The following PPARGC1A variants were observed in gnomAD, a reference collection of about 807,000 sequenced individuals.
PPARGC1A encodes the protein peroxisome proliferator-activated receptor gamma coactivator 1-alpha.
Under a neutral mutation model 88.7 loss-of-function variants are expected in PPARGC1A, and 25 were observed. That is an observed-to-expected ratio of 0.28 (90% CI 0.21 to 0.39). The LOEUF (loss-of-function observed/expected upper bound fraction) is 0.39, where lower values mean the gene tolerates loss of function less well. PPARGC1A is among the 10% of genes least tolerant of loss of function. PPARGC1A has a pLI of 1.00. For synonymous variants in PPARGC1A, 363 were observed against 355.6 expected, an observed-to-expected ratio of 1.02 and a Z score of -0.24; for missense variants, 880 against 968.7, an observed-to-expected ratio of 0.91 and a Z score of 1.22.
At chr4:23,986,725 T>C in the PPARGC1A span, among the ~76,000 whole-genome samples, 1 of 152,044 alleles carries the variant, frequency 6.6e-6, no homozygotes, top group Non-Finnish European at 1.5e-5. Flanking sequence ...CAGTTCACTA[T>C]CCAGCAAAAA....
chr4:24,383,589 T>A, the PPARGC1A span, among the ~76,000 whole-genome samples: 1 of 152,076 alleles, frequency 6.6e-6, no homozygotes, highest in Non-Finnish European at 1.5e-5. Flanking sequence ...TACACAAGTA[T>A]CAATAGCCGA....
At chr4:23,922,372 G>A in the PPARGC1A span, among the ~76,000 whole-genome samples, 3 of 152,210 alleles carry the variant, frequency 2.0e-5, no homozygotes, top group Non-Finnish European at 4.4e-5. Flanking sequence ...ACATCTATGT[G>A]TGGTCTGAAT....
the PPARGC1A span, among the ~76,000 whole-genome samples, chr4:24,095,362 C>T: frequency 6.6e-6 from 1 of 152,096 alleles, no homozygotes; most frequent in Non-Finnish European, 1.5e-5. Flanking sequence ...AGTGATCTGC[C>T]CGCCTCAGCC....
chr4:24,370,722 C>T, the PPARGC1A span, among the ~76,000 whole-genome samples: 7 of 129,684 alleles, frequency 5.4e-5, no homozygotes, highest in Admixed American at 5.6e-4. Flanking sequence ...CTCTTCTCAT[C>T]TTCCTCTCAG....
chr4:23,819,196 G>C (rs576651894), intron 7 of PPARGC1A, among the ~76,000 whole-genome samples: 10 of 152,172 alleles, frequency 6.6e-5, no homozygotes, highest in African/African-American at 2.4e-4. Context: ...AGCTGCCCTA[G>C]TGTTCTCTCC....
the PPARGC1A span, among the ~76,000 whole-genome samples, chr4:24,012,555 C>T: frequency 6.6e-6 from 1 of 152,026 alleles, no homozygotes; most frequent in Non-Finnish European, 1.5e-5. Flanking sequence ...TGCTCTGAGG[C>T]CCTGCTTCAT....
chr4:24,004,185 G>C, the PPARGC1A span, among the ~76,000 whole-genome samples: 5 of 152,126 alleles, frequency 3.3e-5, no homozygotes, highest in Non-Finnish European at 7.4e-5. Context: ...GCCCAAACTC[G>C]AACACAGGCA....
intron 2 of PPARGC1A, among the ~76,000 whole-genome samples, chr4:23,835,759 A>G (rs1725902602): frequency 6.6e-6 from 1 of 152,068 alleles, no homozygotes; most frequent in African/African-American, 2.4e-5. Context: ...AAAACTTGCT[A>G]TTTGCTGATG....
the PPARGC1A span, among the ~76,000 whole-genome samples, chr4:24,325,911 C>G: frequency 1.3e-5 from 2 of 152,186 alleles, no homozygotes; most frequent in African/African-American, 4.8e-5. Flanking sequence ...CCAACTTAGA[C>G]AACACTCTTT....
the PPARGC1A span, among the ~76,000 whole-genome samples, chr4:24,127,414 G>A: frequency 0.29 from 44,519 of 151,736 alleles, 6,706 homozygotes; most frequent in Admixed American, 0.35. Context: ...TTATCACTTC[G>A]AAGTATTGTT....
the PPARGC1A span, among the ~76,000 whole-genome samples, chr4:24,228,926 G>A: frequency 6.6e-6 from 1 of 152,114 alleles, no homozygotes; most frequent in South Asian, 2.1e-4. Context: ...TGTTGAAAAT[G>A]CAGATATGCA....
chr4:24,116,015 C>A, the PPARGC1A span, among the ~76,000 whole-genome samples: 117 of 152,230 alleles, frequency 7.7e-4, 3 homozygotes, highest in East Asian at 0.02. Flanking sequence ...GTTATTGGAA[C>A]TGACACAAGC....
chr4:24,072,437 A>G, the PPARGC1A span, among the ~76,000 whole-genome samples: 1 of 151,854 alleles, frequency 6.6e-6, no homozygotes, highest in Non-Finnish European at 1.5e-5. Context: ...TTCCCTTCTG[A>G]TGCCATATTT....
chr4:24,311,086 CTTTTTTTTTTTTTTTT>C, the PPARGC1A span, among the ~76,000 whole-genome samples: 2 of 59,870 alleles, frequency 3.3e-5, no homozygotes, highest in South Asian at 2.1e-3. Context: ...TATAATAATT[CTTTTTTTTTTTTTTTT>C]TTTTTTTTTT....
chr4:23,995,856 T>C, the PPARGC1A span, among the ~76,000 whole-genome samples: 2 of 152,182 alleles, frequency 1.3e-5, no homozygotes, highest in African/African-American at 4.8e-5. Flanking sequence ...TATTTAGTTT[T>C]ATATGTTCAT....
chr4:24,350,480 C>T, the PPARGC1A span, among the ~76,000 whole-genome samples: 1 of 152,144 alleles, frequency 6.6e-6, no homozygotes, highest in Non-Finnish European at 1.5e-5. Context: ...AAAGGAAGAG[C>T]AAGACATAAA....
chr4:24,163,933 A>C, the PPARGC1A span, among the ~76,000 whole-genome samples: 1 of 152,158 alleles, frequency 6.6e-6, no homozygotes, highest in Non-Finnish European at 1.5e-5. Context: ...TAATTTAAAT[A>C]AACACATTTT....
At chr4:23,932,456 G>T in the PPARGC1A span, among the ~76,000 whole-genome samples, 4 of 152,286 alleles carry the variant, frequency 2.6e-5, no homozygotes, top group Non-Finnish European at 5.9e-5. Flanking sequence ...AAGCTCAGGA[G>T]TGCCCCTACT....
the PPARGC1A span, among the ~76,000 whole-genome samples, chr4:24,241,273 GTAAAA>G: frequency 6.6e-6 from 1 of 151,998 alleles, no homozygotes; most frequent in Non-Finnish European, 1.5e-5. Flanking sequence ...AAATACTTTT[GTAAAA>G]GAAAAAAAGG....
Sources: gnomAD v4.1 joint callset for allele counts (sites outside exome capture counted in the v4.1 genomes callset) on GRCh38, gnomAD v4.1.1 for gene constraint, MANE v1.5 for transcripts, NCBI Gene and HGNC (gene_info 2026-07-23, HGNC 2026-07-21) for gene names.